GYS2: variants seen among roughly 807,000 people sequenced by gnomAD.
The protein encoded by GYS2 is glycogen [starch] synthase, liver.
A neutral mutation model predicts 85.6 loss-of-function variants in GYS2; 80 were observed. The observed-to-expected ratio is 0.93, with a 90% CI of 0.78 to 1.13. The LOEUF is 1.13. GYS2 is among the 50% of genes most tolerant of loss of function. The pLI is 0.00. For missense variants in GYS2, 881 were observed against 854.9 expected (o/e 1.03, Z -0.38); for synonymous variants, 328 against 300.7 (o/e 1.09, Z -0.94).
downstream of GYS2, chr12:21,533,045 C>A (rs1943880131): frequency 6.6e-6 from 1 of 152,104 alleles, no homozygotes; most frequent in African/African-American, 2.4e-5. Context: ...GATCAGAAAA[C>A]CTTCACATTA....
At chr12:21,598,580 C>G (rs1321988024) in intron 1 of GYS2, among the ~76,000 whole-genome samples, 2 of 151,848 alleles carry the variant, frequency 1.3e-5, no homozygotes. Flanking sequence ...CACATTTTGC[C>G]CCAAACTTCT....
chr12:21,574,997 A>G (rs1944429151), intron 3 of GYS2, among the ~76,000 whole-genome samples: 1 of 152,144 alleles, frequency 6.6e-6, no homozygotes, highest in Non-Finnish European at 1.5e-5. Flanking sequence ...TGAAAACTCT[A>G]AAAGCATACA....
At chr12:21,570,351 G>T (rs1008916680) in intron 4 of GYS2, among the ~76,000 whole-genome samples, 1 of 152,138 alleles carries the variant, frequency 6.6e-6, no homozygotes, top group East Asian at 1.9e-4. Context: ...AATGGAAAAT[G>T]GATTAAAAAC....
chr12:21,568,520 C>A (rs926331512), intron 5 of GYS2, among the ~76,000 whole-genome samples: 1 of 152,176 alleles, frequency 6.6e-6, no homozygotes, highest in Non-Finnish European at 1.5e-5. Flanking sequence ...TAGTCTCACA[C>A]AAATTTCTGT....
At chr12:21,575,828 G>T (rs760903489) in intron 3 of GYS2, 38 bp downstream of exon 3, 5 of 1,479,012 alleles carry the variant, frequency 3.4e-6, no homozygotes, top group East Asian at 2.3e-5. Context: ...AAGCAGTTGT[G>T]CTGCTCCTCC....
intron 12 of GYS2, 53 bp downstream of exon 12, chr12:21,546,291 A>G: frequency 7.8e-7 from 1 of 1,286,460 alleles, no homozygotes; most frequent in Non-Finnish European, 1.1e-6. Context: ...ATGCACATAA[A>G]ATAATATACT....
chr12:21,540,577 A>C lies in GYS2; in HGVS notation c.1646-4T>G. Reference sequence around the variant, plus strand: ...CGCCTGTCAACGATGTAAATACCTGAAGAACACAAAAGCCAAAGCACAAGT... The same window carrying C: ...CGCCTGTCAACGATGTAAATACCTGCAGAACACAAAAGCCAAAGCACAAGT... On this transcript the variant is annotated splice_polypyrimidine_tract_variant and splice_region_variant and intron_variant, in intron 13 of 15. Transcript: ENST00000261195. The C allele has an allele frequency of 3.1e-6, 5 of 1,612,988 alleles. No individual in the cohort carries two copies. The South Asian group carries it at 5.5e-5, about 18-fold the overall frequency.
chr12:21,585,555 A>G (rs1047638443), intron 1 of GYS2, among the ~76,000 whole-genome samples: 7 of 145,830 alleles, frequency 4.8e-5, no homozygotes, highest in African/African-American at 1.5e-4. Flanking sequence ...GGGTCACTCC[A>G]CCAGGAAAAA....
At chr12:21,537,415 A>G (rs1009085238) in intron 15 of GYS2, 6 of 527,578 alleles carry the variant, frequency 1.1e-5, no homozygotes, top group South Asian at 6.7e-5. Flanking sequence ...TATTATTATC[A>G]TCTTATCTTT....
At chr12:21,538,988 C>A (rs2136835142) in intron 15 of GYS2, among the ~76,000 whole-genome samples, 1 of 152,254 alleles carries the variant, frequency 6.6e-6, no homozygotes, top group South Asian at 2.1e-4. Flanking sequence ...TTGAACAACT[C>A]CCCAAAGAAT....
rs1037320672 is a variant in GYS2, at chr12:21,541,135, G to T, written c.1646-562C>A. Among the ~76,000 whole-genome samples the T allele has an allele frequency of 1.8e-4, 27 of 151,852 alleles. 1 individual carries two copies. Among genetic ancestry groups the T allele is most frequent in the Admixed American group, 6.6e-5 (1 of 15,238 alleles). On this transcript the variant is annotated intron_variant, in intron 13 of 15. Coordinates refer to ENST00000261195, the MANE Select transcript of GYS2 (RefSeq NM_021957.4). ...ATACAAAATTTAGCCAGGTGTGGTG[G>T]TGTGCGCCTGTAGCCCCAGCTACTC...
At position 21,574,334 on chromosome 12, in the gene GYS2, A is replaced by C. The variant is rs781044535; in HGVS notation, c.496-8T>G. ...ATCTGCATGATCTGTCACCTACATT[A>C]GGAAAAAAAAAGCATTCAGAAAAGT... On this transcript the variant is annotated splice_polypyrimidine_tract_variant and splice_region_variant and intron_variant, in intron 3 of 15. Coordinates refer to ENST00000261195, the MANE Select transcript of GYS2 (RefSeq NM_021957.4). 3 of 1,609,438 alleles carry C rather than the reference A, an allele frequency of 1.9e-6. No individual in the cohort carries two copies. The South Asian group carries it at 3.3e-5, about 18-fold the overall frequency.
Position 21,540,480 on chromosome 12 carries a change from C to A in GYS2, c.1739G>T (p.Arg580Leu), listed in dbSNP as rs762150312. 1.1e-5 allele frequency: 17 copies of A among 1,613,804 alleles called. No individual in the cohort carries two copies. The highest frequency in any genetic ancestry group is 1.3e-5 in the Non-Finnish European group (15 of 1,179,876). Reference sequence around the variant, plus strand: ...TCTGTTCCTCTGGATAATCCTTTGGCGGCGTGACTGTTTGCAAAATCCATA... The same window carrying A: ...TCTGTTCCTCTGGATAATCCTTTGGAGGCGTGACTGTTTGCAAAATCCATA... ...FLYGFCKQSR[R>L]QRIIQRNRTE... Residue 580 changes from arginine to leucine, a missense_variant, in exon 14 of 16, where the codon CGC (arginine) becomes CTC (leucine). Coordinates refer to ENST00000261195, the MANE Select transcript of GYS2 (RefSeq NM_021957.4).
intron 5 of GYS2, among the ~76,000 whole-genome samples, chr12:21,566,331 C>T (rs2136888860): frequency 6.6e-6 from 1 of 151,410 alleles, no homozygotes. Flanking sequence ...AATACAAAGT[C>T]ATAGTTACAC....
intron 7 of GYS2, among the ~76,000 whole-genome samples, chr12:21,561,830 C>A (rs963520528): frequency 2.0e-5 from 3 of 152,052 alleles, no homozygotes; most frequent in African/African-American, 7.2e-5. Context: ...ATTAACGTGG[C>A]TTTAGTAAAT....
At chr12:21,539,410 G>A in intron 14 of GYS2, 72 bp from the exon 15 acceptor site, 1 of 836,776 alleles carries the variant, frequency 1.2e-6, no homozygotes, top group Non-Finnish European at 2.1e-6. Flanking sequence ...TATTAAATAA[G>A]GCCTTATTCT....
intron 1 of GYS2, among the ~76,000 whole-genome samples, chr12:21,586,433 ATC>A (rs1387257389): frequency 6.6e-6 from 1 of 151,572 alleles, no homozygotes; most frequent in African/African-American, 2.4e-5. Flanking sequence ...CTATCTATCT[ATC>A]TATCTATCTA....
chr12:21,600,635 A>G (rs1250771911), intron 1 of GYS2, among the ~76,000 whole-genome samples: 1 of 152,160 alleles, frequency 6.6e-6, no homozygotes, highest in East Asian at 1.9e-4. Context: ...CTTTACGGCA[A>G]TTACAGGGGC....
At chr12:21,599,517 AC>A (rs1476824188) in intron 1 of GYS2, among the ~76,000 whole-genome samples, 1 of 152,194 alleles carries the variant, frequency 6.6e-6, no homozygotes, top group African/African-American at 2.4e-5. Flanking sequence ...AGGGGCCTAG[AC>A]ATAGCATGCT....
Sources: gnomAD v4.1 joint callset for allele counts (sites outside exome capture counted in the v4.1 genomes callset) on GRCh38, gnomAD v4.1.1 for gene constraint, MANE v1.5 for transcripts, NCBI Gene and HGNC (gene_info 2026-07-23, HGNC 2026-07-21) for gene names.